RBFOX3: variants seen among roughly 807,000 people sequenced by gnomAD.
RBFOX3 encodes the protein RNA binding fox-1 homolog 3, also known as RNA binding protein fox-1 homolog 3.
In RBFOX3, 17 loss-of-function variants were observed where a neutral mutation model predicts 48.7. The observed-to-expected ratio is 0.35, with a 90% CI of 0.24 to 0.52. RBFOX3 has a LOEUF of 0.52. RBFOX3 is among the 20% of genes least tolerant of loss of function. The pLI is 0.94. For missense variants in RBFOX3, 382 were observed against 497.5 expected, an observed-to-expected ratio of 0.77 and a Z score of 2.21; for synonymous variants, 212 against 209.5, an observed-to-expected ratio of 1.01 and a Z score of -0.10.
At chr17:79,155,540 T>C (rs2045579078) in intron 4 of RBFOX3, among the ~76,000 whole-genome samples, 1 of 152,134 alleles carries the variant, frequency 6.6e-6, no homozygotes, top group Non-Finnish European at 1.5e-5. Flanking sequence ...TATTATGAAA[T>C]GGTAATGCTG....
chr17:79,351,737 C>T (rs1010268789), intron 2 of RBFOX3, among the ~76,000 whole-genome samples: 2 of 152,172 alleles, frequency 1.3e-5, no homozygotes, highest in East Asian at 3.9e-4. Flanking sequence ...GTTTTAAACT[C>T]TCATCTGAGA....
At chr17:79,121,505 G>A (rs1169143517) in intron 4 of RBFOX3, among the ~76,000 whole-genome samples, 2 of 152,086 alleles carry the variant, frequency 1.3e-5, no homozygotes, top group Admixed American at 6.6e-5. Context: ...CCAGTGTTCC[G>A]AGGCACCATT....
At chr17:79,213,433 G>C (rs187169487) in intron 4 of RBFOX3, among the ~76,000 whole-genome samples, 1 of 152,216 alleles carries the variant, frequency 6.6e-6, no homozygotes, top group East Asian at 1.9e-4. Context: ...ACTGCTACCA[G>C]GACCTAAATC....
At chr17:79,286,346 G>A (rs1031620242) in intron 3 of RBFOX3, among the ~76,000 whole-genome samples, 6 of 152,058 alleles carry the variant, frequency 3.9e-5, no homozygotes, top group Non-Finnish European at 5.9e-5. Context: ...CCACGCCCCC[G>A]GCTGCCATCT....
chr17:79,419,902 A>T (rs782359420), intron 2 of RBFOX3, among the ~76,000 whole-genome samples: 33 of 152,120 alleles, frequency 2.2e-4, no homozygotes, highest in Non-Finnish European at 2.8e-4. Context: ...CGAGGCAGGC[A>T]GACTGCCTCA....
In RBFOX3 at chr17:79,386,870, G is replaced by A. The variant is rs1422725335; in HGVS notation, c.-174-79046C>T. 2.6e-5 allele frequency among the ~76,000 whole-genome samples: 4 copies of A among 152,236 alleles called. No individual in the cohort carries two copies. The East Asian group carries it at 7.7e-4, about 29-fold the overall frequency. ...CCTAGCAGCCATGTCCGTGTGTGAT[G>A]TGGCAGGACCCCATATTTTGACATT... On this transcript the variant is annotated intron_variant, in intron 2 of 14. Coordinates refer to ENST00000693108, the MANE Select transcript of RBFOX3 (RefSeq NM_001350451.2).
In RBFOX3 at chr17:79,235,759, T is replaced by G. The variant is rs1350145405; in HGVS notation, c.-34+7A>C. 4 of 153,734 alleles carry G rather than the reference T, an allele frequency of 2.6e-5. No homozygotes were observed. Among genetic ancestry groups the G allele is most frequent in the African/African-American group, 9.6e-5 (4 of 41,454 alleles). The allele number at this position is 153,734 out of a possible 1,614,324, so 9.5% of individuals were successfully genotyped here. A position where few individuals can be genotyped will look rare whatever the true frequency, so the allele number is the denominator to read the frequency against. Reference sequence around the variant, plus strand: ...CTATTCAGGAAAAATAGAGAAAGTCTTTATACCTTTTATTCAGCCAATTTT... The same window carrying G: ...CTATTCAGGAAAAATAGAGAAAGTCGTTATACCTTTTATTCAGCCAATTTT... On this transcript the variant is annotated splice_region_variant and intron_variant, in intron 4 of 14. Transcript: ENST00000693108.
At chr17:79,240,072 A>G (rs943114042) in intron 3 of RBFOX3, among the ~76,000 whole-genome samples, 2 of 152,096 alleles carry the variant, frequency 1.3e-5, no homozygotes, top group Non-Finnish European at 2.9e-5. Context: ...TTTCCCTGCA[A>G]TTCTCCTCAA....
At chr17:79,378,377 A>G (rs367702374) in intron 2 of RBFOX3, among the ~76,000 whole-genome samples, 1 of 152,216 alleles carries the variant, frequency 6.6e-6, no homozygotes, top group Non-Finnish European at 1.5e-5. Context: ...TTAGTAACAC[A>G]TGAGTTAGAC....
chr17:79,511,072 G>C (rs1057426350), intron 1 of RBFOX3, among the ~76,000 whole-genome samples: 63 of 152,274 alleles, frequency 4.1e-4, no homozygotes, highest in Admixed American at 9.1e-4. Flanking sequence ...AACAGGGAAA[G>C]GCTCTGCCAG....
rs2078853337 is a variant in RBFOX3 at position 79,482,017 on chromosome 17, T to G, written c.-175+437A>C. 6.6e-6 allele frequency among the ~76,000 whole-genome samples: 1 copy of G among 151,740 alleles called. No homozygotes were observed. The highest frequency in any genetic ancestry group is 6.6e-5 in the Admixed American group (1 of 15,240). On this transcript the variant is annotated intron_variant, in intron 2 of 14. Transcript: ENST00000693108. This position sits in a 1 kb window ranked among gnomAD's most constrained non-coding sequence, Gnocchi z 4.1. Reference sequence around the variant, plus strand: ...GGGTGGGAACAGAGGCATCATGCCGTCCCCTCTAGAGCCACAGGAAGGCTT... The same window carrying G: ...GGGTGGGAACAGAGGCATCATGCCGGCCCCTCTAGAGCCACAGGAAGGCTT...
intron 1 of RBFOX3, among the ~76,000 whole-genome samples, chr17:79,573,378 GCTA>G (rs1389647048): frequency 2.6e-5 from 4 of 152,228 alleles, no homozygotes; most frequent in African/African-American, 9.6e-5. Context: ...ACGACTCTGG[GCTA>G]TGCAGTCCCC....
chr17:79,345,872 T>C (rs1398637366), intron 2 of RBFOX3, among the ~76,000 whole-genome samples: 2 of 152,312 alleles, frequency 1.3e-5, no homozygotes, highest in East Asian at 1.9e-4. Context: ...TTTATACTCA[T>C]TTGATGTGTC....
chr17:79,485,167 C>G (rs977934918), intron 1 of RBFOX3, among the ~76,000 whole-genome samples: 30 of 152,238 alleles, frequency 2.0e-4, no homozygotes, highest in Middle Eastern at 3.4e-3. Flanking sequence ...TGCCGGGGCT[C>G]TCACCCTTCC....
chr17:79,093,609 T>C lies in RBFOX3; in HGVS notation c.1077+842A>G, dbSNP rs1444279394. ...CCAAGAAAGATGGGAAAAATCCATA[T>C]TGCCTCTGAACCTCCTCCCTCCTCA... On this transcript the variant is annotated intron_variant, in intron 14 of 14. Coordinates refer to ENST00000693108, the MANE Select transcript of RBFOX3 (RefSeq NM_001350451.2). 2.0e-5 allele frequency among the ~76,000 whole-genome samples: 3 copies of C among 151,968 alleles called. No homozygotes were observed. The East Asian group carries it at 5.8e-4, about 29-fold the overall frequency.
chr17:79,523,128 T>TG (rs2086339876), intron 1 of RBFOX3, among the ~76,000 whole-genome samples: 1 of 129,328 alleles, frequency 7.7e-6, no homozygotes, highest in South Asian at 2.8e-4. Flanking sequence ...CAGGGGCTTG[T>TG]GGTGGGGGGG....
Position 79,288,979 on chromosome 17 carries a change from G to A in RBFOX3, c.-74+18745C>T, listed in dbSNP as rs545233917. ...GAATACAGTAGCAGGGAATGAGGGG[G>A]TGAGCCCCAGGGACTGGGGTGGGAA... On this transcript the variant is annotated intron_variant, in intron 3 of 14. Transcript: ENST00000693108. Among the ~76,000 whole-genome samples, 3 of 152,310 alleles carry A rather than the reference G, an allele frequency of 2.0e-5. No homozygotes were observed. The East Asian group carries it at 5.8e-4, about 29-fold the overall frequency.
upstream of RBFOX3, among the ~76,000 whole-genome samples, chr17:79,613,020 G>A (rs1191579599): frequency 2.0e-5 from 3 of 152,226 alleles, no homozygotes; most frequent in Non-Finnish European, 2.9e-5. Context: ...GCCCATCTCC[G>A]TCTCCCTTCA....
At chr17:79,661,128 G>C in the RBFOX3 span, among the ~76,000 whole-genome samples, 1 of 152,140 alleles carries the variant, frequency 6.6e-6, no homozygotes, top group Non-Finnish European at 1.5e-5. Context: ...GGCCTGTTGG[G>C]CAGGGGGAGG....
Sources: gnomAD v4.1 joint callset for allele counts (sites outside exome capture counted in the v4.1 genomes callset) on GRCh38, gnomAD v4.1.1 for gene constraint, Gnocchi (gnomAD v3.1) non-coding constraint, MANE v1.5 for transcripts, NCBI Gene and HGNC (gene_info 2026-07-23, HGNC 2026-07-21) for gene names.